The following MYO5A variants were observed in gnomAD, a reference collection of about 807,000 sequenced individuals.
MYO5A encodes myosin VA, also known as unconventional myosin-Va.
A neutral mutation model predicts 249.7 loss-of-function variants in MYO5A; 98 were observed. The observed-to-expected ratio is 0.39, with a 90% confidence interval of 0.33 to 0.46. The LOEUF (loss-of-function observed/expected upper bound fraction) is 0.46. Ranked by LOEUF, MYO5A falls within the 20% of genes least tolerant of loss-of-function variation. The probability of loss-of-function intolerance (pLI) is 0.98; values close to 1 mark genes in which losing one functional copy is unlikely to be tolerated. For missense variants in MYO5A, 1,696 were observed against 2,308.8 expected (o/e 0.73, Z 5.44); for synonymous variants, 778 against 810.6 (o/e 0.96, Z 0.68).
In MYO5A at chr15:52,370,196, T is replaced by C. The variant is rs1402033427; in HGVS notation, c.3039A>G (p.Ala1013=). 3.7e-6 allele frequency: 6 copies of C among 1,614,058 alleles called. No individual in the cohort carries two copies. Among genetic ancestry groups the C allele is most frequent in the Non-Finnish European group, 5.1e-6 (6 of 1,180,008 alleles). ...RSEKKCIEEH[A]DRYKQETEQL... ...GCTCTGTTTCTTGTTTGTATCGATC[T>C]GCATGTTCCTCAATGCATTTTTTCT... Residue 1013 remains alanine, a synonymous_variant, in exon 22 of 42, where the codon GCA becomes GCG. Coordinates refer to ENST00000399233, the MANE Select transcript of MYO5A (RefSeq NM_001382347.1).
At chr15:52,371,250 C>T (rs2041097717) in intron 21 of MYO5A, among the ~76,000 whole-genome samples, 1 of 152,102 alleles carries the variant, frequency 6.6e-6, no homozygotes, top group Non-Finnish European at 1.5e-5. Context: ...CCCTGTTTTG[C>T]TTTGCTCTCC....
intron 12 of MYO5A, among the ~76,000 whole-genome samples, chr15:52,390,520 TTCC>T (rs928256551): frequency 1.3e-5 from 2 of 151,762 alleles, no homozygotes; most frequent in African/African-American, 4.8e-5. Context: ...CTCTTGCCAT[TTCC>T]TCCAACTTAA....
intron 1 of MYO5A, among the ~76,000 whole-genome samples, chr15:52,517,743 C>T (rs912652804): frequency 4.0e-5 from 6 of 151,866 alleles, no homozygotes; most frequent in East Asian, 1.9e-4. Flanking sequence ...ATTTTTTCAA[C>T]GAATATTTAT....
At position 52,528,841 on chromosome 15, in the gene MYO5A, C is replaced by CGGAGGCCGCACCTCGCCTG; in HGVS notation, c.-54_-36dup. On this transcript the variant is annotated 5_prime_UTR_variant, in exon 1 of 42. Transcript: ENST00000399233. ...CGCGCGCCTACGCCCCCCGCCTGTG[C>CGGAGGCCGCACCTCGCCTG]GGAGGCCGCACCTCGCCTGGGCGGC... The CGGAGGCCGCACCTCGCCTG allele has an allele frequency of 6.8e-7, 1 of 1,463,256 alleles. No homozygotes were observed. Among genetic ancestry groups the CGGAGGCCGCACCTCGCCTG allele is most frequent in the East Asian group, 3.0e-5 (1 of 33,734 alleles). The allele number at this position is 1,463,256 out of a possible 1,614,324, so 90.6% of individuals were successfully genotyped here.
intron 1 of MYO5A, among the ~76,000 whole-genome samples, chr15:52,497,711 C>A (rs1268679672): frequency 2.2e-5 from 3 of 134,970 alleles, no homozygotes; most frequent in African/African-American, 8.4e-5. Context: ...GAGCCAAGAT[C>A]ACGCCACTGC....
At chr15:52,392,912 G>A (rs1416030032) in intron 11 of MYO5A, among the ~76,000 whole-genome samples, 1 of 152,190 alleles carries the variant, frequency 6.6e-6, no homozygotes, top group Non-Finnish European at 1.5e-5. Flanking sequence ...ATAAGAGCAA[G>A]AGTCCTCATC....
chr15:52,329,980 T>TC (rs1195988264), intron 35 of MYO5A, among the ~76,000 whole-genome samples: 1 of 147,272 alleles, frequency 6.8e-6, no homozygotes, highest in African/African-American at 2.6e-5. Context: ...TGAGGGTTTT[T>TC]TCTTTTTCTT....
At chr15:52,407,088 T>C (rs1055985378) in intron 8 of MYO5A, among the ~76,000 whole-genome samples, 15 of 152,206 alleles carry the variant, frequency 9.9e-5, no homozygotes, top group Admixed American at 7.9e-4. Flanking sequence ...TGCACAACCA[T>C]TACCACAATC....
At chr15:52,376,591 A>G in intron 18 of MYO5A, 33 bp from the exon 19 acceptor site, 1 of 1,571,424 alleles carries the variant, frequency 6.4e-7, no homozygotes, top group Admixed American at 1.7e-5. Flanking sequence ...ATTCAGAAAT[A>G]ATAATCATAT....
chr15:52,516,557 G>A (rs973834392), intron 1 of MYO5A, among the ~76,000 whole-genome samples: 1 of 152,192 alleles, frequency 6.6e-6, no homozygotes, highest in African/African-American at 2.4e-5. Context: ...GGCTACTGCC[G>A]TGATCCTAGT....
chr15:52,443,924 A>G (rs2075836888), intron 1 of MYO5A, among the ~76,000 whole-genome samples: 1 of 152,156 alleles, frequency 6.6e-6, no homozygotes. Flanking sequence ...CGGAGGTTGC[A>G]GTGAGCCGAG....
chr15:52,389,162 A>G, intron 13 of MYO5A, 76 bp downstream of exon 13: 1 of 1,481,422 alleles, frequency 6.8e-7, no homozygotes, highest in South Asian at 1.2e-5. Context: ...AAAGAAAAAA[A>G]AAGATACCTC....
At position 52,349,660 on chromosome 15, in the gene MYO5A, A is replaced by T. The variant is rs576545676; in HGVS notation, c.3850-834T>A. Among the ~76,000 whole-genome samples, 9 of 152,304 alleles carry T rather than the reference A, an allele frequency of 5.9e-5. No homozygotes were observed. In the East Asian group the frequency reaches 1.7e-3, roughly 29 times the overall value. On this transcript the variant is annotated intron_variant, in intron 28 of 41. Coordinates refer to ENST00000399233, the MANE Select transcript of MYO5A (RefSeq NM_001382347.1). ...CTAAAATTTCTTGTGAGATTACCAC[A>T]TTGCAACCCCATAAATATATACAAT...
chr15:52,367,266 A>G, intron 22 of MYO5A, 142 bp from the exon 23 acceptor site: 1 of 759,096 alleles, frequency 1.3e-6, no homozygotes, highest in Non-Finnish European at 2.3e-6. Flanking sequence ...TAGTCACCTT[A>G]CAAACTTGCT....
chr15:52,414,290 C>T (rs1185191877), intron 5 of MYO5A, among the ~76,000 whole-genome samples: 1 of 152,204 alleles, frequency 6.6e-6, no homozygotes, highest in Non-Finnish European at 1.5e-5. Context: ...GCCATGCTTA[C>T]TGTACAGCCC....
At chr15:52,442,356 G>A (rs2075800484) in intron 1 of MYO5A, among the ~76,000 whole-genome samples, 2 of 152,172 alleles carry the variant, frequency 1.3e-5, no homozygotes, top group South Asian at 4.1e-4. Context: ...AGTAAAATGG[G>A]TGTAAGAGAA....
intron 1 of MYO5A, chr15:52,505,939 C>T (rs987921464): frequency 1.2e-5 from 15 of 1,292,946 alleles, no homozygotes; most frequent in South Asian, 1.0e-4. Flanking sequence ...CTTGGCTGGG[C>T]GCAGTGGCTC....
At chr15:52,377,309 C>T (rs1274683044) in intron 18 of MYO5A, among the ~76,000 whole-genome samples, 1 of 151,802 alleles carries the variant, frequency 6.6e-6, no homozygotes, top group African/African-American at 2.4e-5. Flanking sequence ...GTATTCCCAA[C>T]TACTTGGGAG....
intron 5 of MYO5A, among the ~76,000 whole-genome samples, chr15:52,414,524 T>C (rs1234580979): frequency 1.3e-5 from 2 of 152,194 alleles, no homozygotes; most frequent in Non-Finnish European, 2.9e-5. Context: ...TGAAAAATTC[T>C]AGAAGGTTCA....
Sources: allele counts gnomAD v4.1 joint callset (sites outside exome capture counted in the v4.1 genomes callset), GRCh38; gene constraint gnomAD v4.1.1; transcripts MANE v1.5; gene names NCBI Gene and HGNC (gene_info 2026-07-23, HGNC 2026-07-21).